The following KDM6A variants were observed in gnomAD, a reference collection of about 807,000 sequenced individuals.
KDM6A encodes the protein lysine-specific demethylase 6A.
KDM6A carries 11 observed loss-of-function variants against 117.6 expected under a neutral mutation model. That is an observed-to-expected ratio of 0.09 (90% confidence interval 0.06 to 0.15). The LOEUF is 0.15. Among genes scored for constraint, KDM6A ranks in the 10% least tolerant of loss-of-function variants. The probability of loss-of-function intolerance (pLI) is 1.00; values close to 1 mark genes in which losing one functional copy is unlikely to be tolerated. For missense variants in KDM6A, 799 were observed against 1,077.3 expected (o/e 0.74, Z 3.62); for synonymous variants, 384 against 396.1 (o/e 0.97, Z 0.36).
At chrX:45,015,246 G>A (rs751983543) in intron 5 of KDM6A, among the ~76,000 whole-genome samples, 1 of 109,910 alleles carries the variant, frequency 9.1e-6, no homozygotes, top group South Asian at 4.0e-4. Context: ...TGGACTACAG[G>A]CTTGAAGGCT....
chrX:44,880,105 A>T (rs2032098114), intron 2 of KDM6A, among the ~76,000 whole-genome samples: 1 of 106,607 alleles, frequency 9.4e-6, no homozygotes, highest in Non-Finnish European at 1.9e-5. Flanking sequence ...CCTGGGAGGC[A>T]GAGGTTGCAG....
chrX:44,885,572 T>TC (rs1555964255), intron 2 of KDM6A, among the ~76,000 whole-genome samples: 1 of 104,340 alleles, frequency 9.6e-6, no homozygotes, highest in Non-Finnish European at 2.0e-5. Flanking sequence ...AGCCAAATAT[T>TC]AAAAAAAAAA....
At chrX:45,080,496 GTT>G (rs2045349772) in intron 21 of KDM6A, among the ~76,000 whole-genome samples, 1 of 111,674 alleles carries the variant, frequency 9.0e-6, no homozygotes, top group African/African-American at 3.3e-5. Flanking sequence ...GCACTAAGTT[GTT>G]TTTTCTTCAA....
intron 9 of KDM6A, 46 bp from the exon 10 acceptor site, chrX:45,053,783 A>G: frequency 2.0e-6 from 2 of 1,025,559 alleles, no homozygotes; most frequent in Non-Finnish European, 2.7e-6. Flanking sequence ...AACATAGAAG[A>G]ACAATTAAGT....
chrX:45,033,368 T>A (rs1206513019), intron 6 of KDM6A, among the ~76,000 whole-genome samples: 1 of 111,810 alleles, frequency 8.9e-6, no homozygotes, highest in Non-Finnish European at 1.9e-5. Context: ...AATGTTAGAT[T>A]TTTTTCATTC....
At chrX:45,086,288 G>A (rs2045636594) in intron 25 of KDM6A, 1 of 238,526 alleles carries the variant, frequency 4.2e-6, no homozygotes, top group Non-Finnish European at 7.6e-6. Context: ...TGTATTCCAA[G>A]AAAAATTGTT....
chrX:44,894,518 A>G (rs1333117235), intron 2 of KDM6A, among the ~76,000 whole-genome samples: 1 of 110,992 alleles, frequency 9.0e-6, no homozygotes, highest in Non-Finnish European at 1.9e-5. Context: ...TTTTAATGTT[A>G]GCAAAATCTG....
chrX:45,079,552 T>C (rs868495753), intron 21 of KDM6A, among the ~76,000 whole-genome samples: 1 of 109,162 alleles, frequency 9.2e-6, no homozygotes, highest in African/African-American at 3.3e-5. Flanking sequence ...TACGTACGTA[T>C]GTGTATTTTG....
chrX:44,891,212 G>A (rs1206602575), intron 2 of KDM6A, among the ~76,000 whole-genome samples: 1 of 110,744 alleles, frequency 9.0e-6, no homozygotes, highest in Non-Finnish European at 1.9e-5. Context: ...TATGGATCTT[G>A]ATGTGAAGTA....
chrX:44,963,802 C>T (rs1476540778), intron 3 of KDM6A, among the ~76,000 whole-genome samples: 1 of 110,355 alleles, frequency 9.1e-6, no homozygotes, highest in Non-Finnish European at 1.9e-5. Flanking sequence ...TCACTGCAAC[C>T]TCCGCCTCCT....
chrX:44,926,117 C>G (rs2036289858), intron 2 of KDM6A, among the ~76,000 whole-genome samples: 1 of 102,830 alleles, frequency 9.7e-6, no homozygotes, highest in Admixed American at 1.1e-4. Flanking sequence ...GTTGCCCAGG[C>G]TGGAGTGCAG....
At chrX:44,882,372 ATGTT>A (rs939418300) in intron 2 of KDM6A, among the ~76,000 whole-genome samples, 9 of 112,099 alleles carry the variant, frequency 8.0e-5, no homozygotes, top group African/African-American at 2.9e-4. Flanking sequence ...TAATCCATAG[ATGTT>A]TGTTTCTGAA....
chrX:45,049,443 A>G (rs988442712), intron 8 of KDM6A, among the ~76,000 whole-genome samples: 4 of 111,754 alleles, frequency 3.6e-5, no homozygotes, highest in Non-Finnish European at 7.5e-5. Context: ...TCTTAACTTT[A>G]TACTTTTACC....
At chrX:44,963,733 G>A (rs1205077179) in intron 3 of KDM6A, among the ~76,000 whole-genome samples, 1 of 109,863 alleles carries the variant, frequency 9.1e-6, no homozygotes, top group Admixed American at 9.7e-5. Flanking sequence ...GCTAATGTCG[G>A]TATTTAGACC....
At chrX:44,878,072 T>A (rs1391340892) in intron 2 of KDM6A, among the ~76,000 whole-genome samples, 1 of 111,767 alleles carries the variant, frequency 8.9e-6, no homozygotes, top group Non-Finnish European at 1.9e-5. Flanking sequence ...TGCTGGCACT[T>A]AAAGGCATAC....
intron 5 of KDM6A, among the ~76,000 whole-genome samples, chrX:45,011,688 G>A (rs1275571876): frequency 8.9e-6 from 1 of 112,010 alleles, no homozygotes; most frequent in African/African-American, 3.2e-5. Flanking sequence ...GATTGGTATT[G>A]TTGTCACAGC....
chrX:45,041,178 C>T (rs1438493983), intron 8 of KDM6A, among the ~76,000 whole-genome samples: 1 of 74,469 alleles, frequency 1.3e-5, no homozygotes, highest in Non-Finnish European at 2.4e-5. Flanking sequence ...AGGGGGCTGA[C>T]CCCCCCCTCC....
intron 2 of KDM6A, among the ~76,000 whole-genome samples, chrX:44,957,483 G>A (rs760940287): frequency 8.9e-5 from 10 of 112,039 alleles, no homozygotes; most frequent in Non-Finnish European, 1.7e-4. Flanking sequence ...GAAATACGGG[G>A]TAATGGTAAC....
At chrX:45,105,158 G>GAA (rs1439098213) in intron 27 of KDM6A, among the ~76,000 whole-genome samples, 1 of 111,614 alleles carries the variant, frequency 9.0e-6, no homozygotes, top group Non-Finnish European at 1.9e-5. Context: ...AGACCAAAAA[G>GAA]AAGGGTTACA....
Sources: allele counts gnomAD v4.1 joint callset (sites outside exome capture counted in the v4.1 genomes callset), GRCh38; gene constraint gnomAD v4.1.1; transcripts MANE v1.5; gene names NCBI Gene and HGNC (gene_info 2026-07-23, HGNC 2026-07-21).